Variants in CABP1 observed in about 807,000 individuals in gnomAD.
CABP1 encodes calcium-binding protein 1.
A neutral mutation model predicts 34.3 loss-of-function variants in CABP1; 17 were observed. That is an observed-to-expected ratio of 0.50 (90% CI 0.34 to 0.74). The LOEUF is 0.74. CABP1 is among the 30% of genes least tolerant of loss of function. CABP1 has a pLI of 0.01. For synonymous variants in CABP1, 198 were observed against 229.2 expected, an observed-to-expected ratio of 0.86 and a Z score of 1.23; for missense variants, 373 against 511.1, an observed-to-expected ratio of 0.73 and a Z score of 2.61.
chr12:120,662,838 C>G (rs537395954), intron 5 of CABP1, among the ~76,000 whole-genome samples: 1 of 152,138 alleles, frequency 6.6e-6, no homozygotes, highest in South Asian at 2.1e-4. Flanking sequence ...GCGCCTACCA[C>G]CACGTCCAGC....
chr12:120,640,990 C>T lies in CABP1; in HGVS notation c.305C>T (p.Pro102Leu). ...RDPGLPSRRL[P>L]GSCPATPQSS... ...CCGGGGCTGCCTAGCCGCCGGCTAC[C>T]CGGCTCCTGCCCGGCGACGCCGCAG... The change falls in exon 1 of 6, where the codon CCC becomes CTC. Residue 102 changes from proline (P) to leucine (L), a missense_variant. Coordinates refer to ENST00000316803, the MANE Select transcript of CABP1 (RefSeq NM_001033677.2). The surrounding 1 kb of genome is among the most constrained non-coding windows in gnomAD (Gnocchi z 6.2). 2 of 1,158,372 alleles carry T rather than the reference C, an allele frequency of 1.7e-6. No individual in the cohort carries two copies. The highest frequency in any genetic ancestry group is 2.1e-6 in the Non-Finnish European group (2 of 941,062). The allele number at this position is 1,158,372 out of a possible 1,614,324, so 71.8% of individuals were successfully genotyped here. A position where few individuals can be genotyped will look rare whatever the true frequency, so the allele number is the denominator to read the frequency against.
At chr12:120,654,998 CAG>C (rs142533590) in intron 1 of CABP1, among the ~76,000 whole-genome samples, 114 of 152,314 alleles carry the variant, frequency 7.5e-4, no homozygotes, top group Non-Finnish European at 1.4e-3. Context: ...TGGTGGATGG[CAG>C]AGAGTGTCTA....
chr12:120,664,972 G>A (rs183693636), intron 5 of CABP1, among the ~76,000 whole-genome samples: 24 of 151,450 alleles, frequency 1.6e-4, no homozygotes, highest in African/African-American at 5.8e-4. Flanking sequence ...TAAGTGAAAA[G>A]CCAATCTGAA....
chr12:120,658,908 A>C (rs1880435271), intron 1 of CABP1: 1 of 152,258 alleles, frequency 6.6e-6, no homozygotes, highest in Non-Finnish European at 1.5e-5. Context: ...GGAGTCTACT[A>C]ACCAGGTCCA....
chr12:120,643,763 A>C (rs991790041), intron 1 of CABP1, among the ~76,000 whole-genome samples: 3 of 152,210 alleles, frequency 2.0e-5, no homozygotes, highest in Non-Finnish European at 4.4e-5. Flanking sequence ...TGTAGGGATC[A>C]TCAGGGTGCT....
At chr12:120,677,952 C>T in the CABP1 span, among the ~76,000 whole-genome samples, 276 of 152,274 alleles carry the variant, frequency 1.8e-3, 2 homozygotes, top group African/African-American at 6.3e-3. Context: ...CTCCCTCCTG[C>T]GAAGTTGGGG....
In CABP1 at chr12:120,661,571, C is replaced by T. The variant is rs118024296; in HGVS notation, c.1087+353C>T. The T allele has an allele frequency of 6.9e-4, 144 of 209,600 alleles. 2 individuals are homozygous for T. The East Asian group carries it at 0.017, about 25-fold the overall frequency. 13.0% of individuals were successfully genotyped at this position (209,600 alleles called of 1,614,324 possible). ...TCCTCTACCTATCCATCCATCTGTC[C>T]ATTTATCCATTCATCCATTCATCTA... On this transcript the variant is annotated intron_variant, in intron 5 of 5. Coordinates refer to ENST00000316803, the MANE Select transcript of CABP1 (RefSeq NM_001033677.2). The surrounding 1 kb of genome is among the most constrained non-coding windows in gnomAD (Gnocchi z 5.1).
At chr12:120,655,522 A>C in intron 1 of CABP1, 1 of 1,165,878 alleles carries the variant, frequency 8.6e-7, no homozygotes. Context: ...TGGCACCTGC[A>C]TGTGCAACCT....
intron 1 of CABP1, among the ~76,000 whole-genome samples, chr12:120,656,971 G>C (rs1052862322): frequency 7.2e-5 from 11 of 152,256 alleles, no homozygotes; most frequent in South Asian, 4.1e-4. Context: ...GGTAGAGGTA[G>C]GATTCACACT....
rs746503423 is a variant in CABP1, at chr12:120,661,041, C to T, written c.940-30C>T. 3.1e-5 allele frequency: 50 copies of T among 1,603,744 alleles called. No homozygotes were observed. In the East Asian group the frequency reaches 4.7e-4, roughly 15 times the overall value. ...GCTGCTGCCAATCGCCATGCTGGGG[C>T]GACCTCTCCTTCCTTCCTGCCTTCT... On this transcript the variant is annotated intron_variant, in intron 4 of 5. Transcript: ENST00000316803. This position sits in a 1 kb window ranked among gnomAD's most constrained non-coding sequence, Gnocchi z 5.1.
At chr12:120,656,119 C>T in intron 1 of CABP1, 2 of 1,614,210 alleles carry the variant, frequency 1.2e-6, no homozygotes, top group East Asian at 2.2e-5. Flanking sequence ...AGACCAGCTA[C>T]ATGGTGGTGC....
chr12:120,640,903 A>AGGC lies in CABP1; in HGVS notation c.235_237dup (p.Ala79dup), dbSNP rs945763849. 7.1e-5 allele frequency: 78 copies of AGGC among 1,097,852 alleles called. No individual in the cohort carries two copies. In the East Asian group the frequency reaches 8.7e-4, roughly 12 times the overall value. 68.0% of individuals were successfully genotyped at this position (1,097,852 alleles called of 1,614,324 possible). On this transcript the variant is annotated inframe_insertion, in exon 1 of 6. Coordinates refer to ENST00000316803, the MANE Select transcript of CABP1 (RefSeq NM_001033677.2). This position sits in a 1 kb window ranked among gnomAD's most constrained non-coding sequence, Gnocchi z 6.2. ...AGCGAGTCCAAGACGTCGCTGCTGA[A>AGGC]GGCGGCGGCGGCGGCGGCGAGCGGG... is the stretch of plus-strand genomic sequence containing the variant.
At position 120,641,219 on chromosome 12, in the gene CABP1, G is replaced by A. The variant is rs1391598913; in HGVS notation, c.534G>A (p.Ala178=). The A allele has an allele frequency of 1.6e-6, 2 of 1,259,300 alleles. No homozygotes were observed. The highest frequency in any genetic ancestry group is 2.0e-6 in the Non-Finnish European group (2 of 1,003,052). 78.0% of individuals were successfully genotyped at this position (1,259,300 alleles called of 1,614,324 possible). The change falls in exon 1 of 6, where the codon GCG becomes GCA. Residue 178 remains alanine (A), a synonymous_variant. Transcript: ENST00000316803. The surrounding 1 kb of genome is among the most constrained non-coding windows in gnomAD (Gnocchi z 6.7). ...RDGEERGLSP[A]LGLRGSLRAR... is the part of the protein sequence containing the mutation. ...GGGAGGAACGGGGACTGTCCCCGGC[G>A]CTCGGCCTCCGGGGCTCTCTGCGAG...
intron 1 of CABP1, among the ~76,000 whole-genome samples, chr12:120,647,857 C>T (rs138430048): frequency 0.013 from 1,934 of 151,718 alleles, 52 homozygotes; most frequent in African/African-American, 0.044. Context: ...GCTGGGATTA[C>T]AGGTGTGAGC....
chr12:120,644,100 G>C (rs1446075880), intron 1 of CABP1, among the ~76,000 whole-genome samples: 1 of 152,200 alleles, frequency 6.6e-6, no homozygotes, highest in African/African-American at 2.4e-5. Context: ...AGACAGCAGA[G>C]ATGCAAGTTC....
chr12:120,672,601 CAA>C, the CABP1 span, among the ~76,000 whole-genome samples: 15,377 of 99,204 alleles, frequency 0.16, 797 homozygotes, highest in Non-Finnish European at 0.18. Flanking sequence ...CATTGCACTC[CAA>C]AAAAAAAAAA....
rs570197529 is a variant in CABP1, at chr12:120,655,936, C to T, written c.655-3942C>T. ...AGGATTGGAGACTCTGTCTGTTGGA[C>T]CAATTTGATGCCTGTGCACGCTCAG... On this transcript the variant is annotated intron_variant, in intron 1 of 5. Coordinates refer to ENST00000316803, the MANE Select transcript of CABP1 (RefSeq NM_001033677.2). 1.0e-5 allele frequency: 16 copies of T among 1,538,332 alleles called. No homozygotes were observed. The East Asian group carries it at 3.7e-4, about 35-fold the overall frequency.
chr12:120,668,192 CAGAT>C (rs138169943), downstream of CABP1, among the ~76,000 whole-genome samples: 21,705 of 152,148 alleles, frequency 0.14, 1,744 homozygotes, highest in Middle Eastern at 0.31. Context: ...TGCGGACAGA[CAGAT>C]ATAGACACAG....
At chr12:120,673,284 T>TA in the CABP1 span, among the ~76,000 whole-genome samples, 13 of 151,698 alleles carry the variant, frequency 8.6e-5, no homozygotes, top group Admixed American at 2.0e-4. Flanking sequence ...TATTTTACAA[T>TA]AAAAAAAATA....
Sources: gnomAD v4.1 joint callset for allele counts (sites outside exome capture counted in the v4.1 genomes callset) on GRCh38, gnomAD v4.1.1 for gene constraint, Gnocchi (gnomAD v3.1) non-coding constraint, MANE v1.5 for transcripts, NCBI Gene and HGNC (gene_info 2026-07-23, HGNC 2026-07-21) for gene names.